EPHA6: variants seen among roughly 807,000 people sequenced by gnomAD.
The protein encoded by EPHA6 is EPH receptor A6.
Under a neutral mutation model 112.0 loss-of-function variants are expected in EPHA6, and 50 were observed. The observed-to-expected ratio is 0.45, with a 90% CI of 0.36 to 0.56. The LOEUF (loss-of-function observed/expected upper bound fraction) is 0.56, where lower values mean the gene tolerates loss of function less well. Ranked by LOEUF, EPHA6 falls within the 20% of genes least tolerant of loss-of-function variation. EPHA6 has a pLI of 0.00. For synonymous variants in EPHA6, 529 were observed against 490.7 expected, an observed-to-expected ratio of 1.08 and a Z score of -1.03; for missense variants, 1,280 against 1,417.4, an observed-to-expected ratio of 0.90 and a Z score of 1.56.
intron 3 of EPHA6, among the ~76,000 whole-genome samples, chr3:97,188,522 C>T (rs1002490642): frequency 6.6e-6 from 1 of 151,814 alleles, no homozygotes; most frequent in Non-Finnish European, 1.5e-5. Context: ...AGAAAGGCTT[C>T]AACTGTATCT....
chr3:96,861,642 C>T (rs2036013540), intron 1 of EPHA6, among the ~76,000 whole-genome samples: 1 of 151,884 alleles, frequency 6.6e-6, no homozygotes, highest in Non-Finnish European at 1.5e-5. Context: ...AATTTCCAAT[C>T]TCAGATGTAA....
intron 6 of EPHA6, among the ~76,000 whole-genome samples, chr3:97,406,829 A>T (rs192758478): frequency 6.6e-6 from 1 of 152,170 alleles, no homozygotes; most frequent in Non-Finnish European, 1.5e-5. Context: ...ATATGTGCTC[A>T]GAAATCTGCT....
chr3:96,915,861 C>T (rs1341430587), intron 2 of EPHA6, among the ~76,000 whole-genome samples: 3 of 151,856 alleles, frequency 2.0e-5, no homozygotes, highest in Admixed American at 6.6e-5. Flanking sequence ...TGTTTTATGC[C>T]AGTTTTATAC....
chr3:97,464,286 C>T (rs958443042), intron 7 of EPHA6, among the ~76,000 whole-genome samples: 1 of 152,004 alleles, frequency 6.6e-6, no homozygotes, highest in Non-Finnish European at 1.5e-5. Context: ...TTCCAAACTC[C>T]TGCCCTGTGG....
chr3:97,366,276 A>G (rs1441895343), intron 5 of EPHA6, among the ~76,000 whole-genome samples: 2 of 152,182 alleles, frequency 1.3e-5, no homozygotes, highest in Non-Finnish European at 2.9e-5. Flanking sequence ...AATAAAAGCA[A>G]TATGTTGGGT....
chr3:97,372,574 C>T (rs999829977), intron 5 of EPHA6, among the ~76,000 whole-genome samples: 1 of 152,080 alleles, frequency 6.6e-6, no homozygotes, highest in African/African-American at 2.4e-5. Flanking sequence ...TAAACAACCT[C>T]TGTTATTGCC....
chr3:97,539,365 C>G (rs931337440), intron 11 of EPHA6, among the ~76,000 whole-genome samples: 2 of 152,004 alleles, frequency 1.3e-5, no homozygotes, highest in African/African-American at 4.8e-5. Context: ...CCAGACTGGT[C>G]TCAAACTCCT....
chr3:97,154,944 G>A (rs750090991), intron 3 of EPHA6, among the ~76,000 whole-genome samples: 1 of 152,140 alleles, frequency 6.6e-6, no homozygotes, highest in Non-Finnish European at 1.5e-5. Context: ...AGATGGTTAT[G>A]TAAAGAAACC....
At chr3:96,889,999 C>G (rs1247139960) in intron 2 of EPHA6, among the ~76,000 whole-genome samples, 4 of 151,784 alleles carry the variant, frequency 2.6e-5, no homozygotes, top group Admixed American at 2.6e-4. Context: ...ACCTCTTATA[C>G]CTTATACACA....
chr3:97,456,533 TATAA>T (rs1272338379), intron 7 of EPHA6, among the ~76,000 whole-genome samples: 1 of 152,192 alleles, frequency 6.6e-6, no homozygotes, highest in Non-Finnish European at 1.5e-5. Context: ...ACTCAGTATT[TATAA>T]ATACTCAATA....
intron 3 of EPHA6, among the ~76,000 whole-genome samples, chr3:97,210,033 C>CA (rs1281999905): frequency 6.6e-6 from 1 of 151,806 alleles, no homozygotes; most frequent in African/African-American, 2.4e-5. Context: ...TCACCTCTTA[C>CA]AAAAAAGAAA....
intron 10 of EPHA6, among the ~76,000 whole-genome samples, chr3:97,486,277 T>C (rs1176476625): frequency 1.3e-5 from 2 of 152,244 alleles, no homozygotes; most frequent in South Asian, 2.1e-4. Flanking sequence ...TCAAACAATA[T>C]GCTAAGGGTC....
chr3:97,643,717 C>A (rs200474514), intron 14 of EPHA6, among the ~76,000 whole-genome samples: 93,083 of 151,636 alleles, frequency 0.61, 28,693 homozygotes, highest in African/African-American at 0.69. Context: ...GTAAAGGGAT[C>A]AATTCAACAA....
At chr3:97,374,558 AG>A (rs1045138653) in intron 5 of EPHA6, among the ~76,000 whole-genome samples, 37 of 152,184 alleles carry the variant, frequency 2.4e-4, no homozygotes, top group African/African-American at 7.7e-4. Context: ...CATAATGCTA[AG>A]GTTTAGGGTA....
chr3:97,423,260 A>C (rs111642588), intron 6 of EPHA6, among the ~76,000 whole-genome samples: 1 of 152,162 alleles, frequency 6.6e-6, no homozygotes, highest in Non-Finnish European at 1.5e-5. Flanking sequence ...AAACCCCATA[A>C]TCTTTGCCCA....
intron 2 of EPHA6, among the ~76,000 whole-genome samples, chr3:96,979,861 G>T (rs1159251048): frequency 6.6e-6 from 1 of 152,208 alleles, no homozygotes; most frequent in African/African-American, 2.4e-5. Flanking sequence ...TTTGAGAAGT[G>T]TCTGTTCATA....
chr3:96,869,976 G>A (rs993809288), intron 2 of EPHA6, among the ~76,000 whole-genome samples: 1 of 151,844 alleles, frequency 6.6e-6, no homozygotes, highest in African/African-American at 2.4e-5. Context: ...TGATCACTAG[G>A]GCTTCAGCAA....
At chr3:97,047,997 C>T (rs1205759214) in intron 3 of EPHA6, among the ~76,000 whole-genome samples, 1 of 152,016 alleles carries the variant, frequency 6.6e-6, no homozygotes, top group Non-Finnish European at 1.5e-5. Flanking sequence ...TAGCTCTACT[C>T]ATAGAAATAT....
chr3:97,459,513 C>G (rs1434098789), intron 7 of EPHA6, among the ~76,000 whole-genome samples: 1 of 152,136 alleles, frequency 6.6e-6, no homozygotes, highest in African/African-American at 2.4e-5. Flanking sequence ...TAGTGAGGAC[C>G]ATGCAATGCC....
Sources: gnomAD v4.1 joint callset for allele counts (sites outside exome capture counted in the v4.1 genomes callset) on GRCh38, gnomAD v4.1.1 for gene constraint, MANE v1.5 for transcripts, NCBI Gene and HGNC (gene_info 2026-07-23, HGNC 2026-07-21) for gene names.